EXD3: variants seen among roughly 807,000 people sequenced by gnomAD.
EXD3 encodes exonuclease mut-7 homolog.
Under a neutral mutation model 98.0 loss-of-function variants are expected in EXD3, and 92 were observed. The observed-to-expected ratio is 0.94, with a 90% CI of 0.79 to 1.12. The LOEUF is 1.12. Among genes scored for constraint, EXD3 ranks in the 50% most tolerant of loss-of-function variants. The pLI, the probability that EXD3 is intolerant of heterozygous loss-of-function variation, is 0.00. For missense variants in EXD3, 1,222 were observed against 1,191.6 expected, an observed-to-expected ratio of 1.03 and a Z score of -0.38; for synonymous variants, 569 against 526.0, an observed-to-expected ratio of 1.08 and a Z score of -1.12.
At chr9:137,383,437 C>T (rs1346470816) in intron 2 of EXD3, 60 bp from the exon 3 acceptor site, 3 of 1,334,258 alleles carry the variant, frequency 2.2e-6, no homozygotes, top group South Asian at 1.4e-5. Flanking sequence ...TATCGCACAG[C>T]CCGCCGGGAA....
intron 6 of EXD3, chr9:137,367,721 C>A (rs1398094010): frequency 3.8e-6 from 2 of 527,740 alleles, no homozygotes; most frequent in Non-Finnish European, 6.8e-6. Flanking sequence ...CAGCTGGACA[C>A]GGGGTTCGTG....
intron 3 of EXD3, among the ~76,000 whole-genome samples, chr9:137,380,811 C>T (rs959744153): frequency 1.3e-4 from 20 of 148,716 alleles, no homozygotes; most frequent in Non-Finnish European, 2.5e-4. Flanking sequence ...AAGGCCCCCC[C>T]GAGGGGCTGT....
intron 19 of EXD3, among the ~76,000 whole-genome samples, chr9:137,314,341 A>G (rs915501383): frequency 3.3e-5 from 5 of 152,160 alleles, no homozygotes; most frequent in East Asian, 1.9e-4. Context: ...GAGTTTGCCA[A>G]AAGAACCTGG....
At chr9:137,356,028 G>A (rs955967216) in intron 8 of EXD3, among the ~76,000 whole-genome samples, 8 of 152,212 alleles carry the variant, frequency 5.3e-5, no homozygotes, top group African/African-American at 1.7e-4. Flanking sequence ...CCCTCCCGGA[G>A]CCGCCTAGGT....
At position 137,405,446 on chromosome 9, in the gene EXD3, C is replaced by T. The variant is rs554897472; in HGVS notation, c.-47-10042G>A. On this transcript the variant is annotated intron_variant, in intron 1 of 21. Coordinates refer to ENST00000340951, the MANE Select transcript of EXD3 (RefSeq NM_017820.5). This position sits in a 1 kb window ranked among gnomAD's most constrained non-coding sequence, Gnocchi z 4.1. The stretch of plus-strand genomic sequence containing the variant: ...CGTGGCCCAAGGATTTGCAGAGCCG[C>T]GGACGGAGCCCAGGGCGGCCGTCGC... Among the ~76,000 whole-genome samples the T allele has an allele frequency of 5.3e-5, 8 of 152,360 alleles. No individual in the cohort carries two copies. The South Asian group carries it at 1.0e-3, about 20-fold the overall frequency.
At chr9:137,359,066 C>T (rs1834934422) in intron 7 of EXD3, among the ~76,000 whole-genome samples, 1 of 26,516 alleles carries the variant, frequency 3.8e-5, no homozygotes, top group South Asian at 4.6e-3. Context: ...CCTGCCTCAG[C>T]CTCCAGAGTA....
At chr9:137,351,181 G>A in intron 13 of EXD3, 34 bp from the exon 14 acceptor site, 1 of 1,548,812 alleles carries the variant, frequency 6.5e-7, no homozygotes, top group Middle Eastern at 1.7e-4. Context: ...AGGGGCGCCT[G>A]CAGGCAGGGA....
intron 7 of EXD3, among the ~76,000 whole-genome samples, chr9:137,362,785 G>C (rs1835053041): frequency 6.6e-6 from 1 of 152,012 alleles, no homozygotes; most frequent in Non-Finnish European, 1.5e-5. Flanking sequence ...CAGTCTGTTG[G>C]TGTCTTCTCA....
intron 19 of EXD3, among the ~76,000 whole-genome samples, chr9:137,321,893 A>G (rs1447129022): frequency 6.6e-6 from 1 of 152,074 alleles, no homozygotes; most frequent in Non-Finnish European, 1.5e-5. Context: ...TGGAGGCGCA[A>G]AAGGCAGCAT....
chr9:137,321,129 C>T (rs754056163), intron 19 of EXD3, among the ~76,000 whole-genome samples: 36 of 152,256 alleles, frequency 2.4e-4, no homozygotes, highest in Admixed American at 3.3e-4. Flanking sequence ...GCTGCAGATC[C>T]GAGCCGAGCC....
At chr9:137,373,149 G>T in intron 4 of EXD3, 77 bp from the exon 5 acceptor site, 1 of 1,471,998 alleles carries the variant, frequency 6.8e-7, no homozygotes, top group Non-Finnish European at 9.0e-7. Context: ...GGCAGGCCTG[G>T]CTTAGGAAGC....
intron 1 of EXD3, among the ~76,000 whole-genome samples, chr9:137,420,622 G>A (rs1260495762): frequency 6.6e-6 from 1 of 152,036 alleles, no homozygotes; most frequent in Non-Finnish European, 1.5e-5. Flanking sequence ...CTGGACTGGT[G>A]CCCTGTTTAC....
intron 17 of EXD3, among the ~76,000 whole-genome samples, chr9:137,333,860 C>G (rs544887323): frequency 6.6e-6 from 1 of 151,890 alleles, no homozygotes; most frequent in Admixed American, 6.6e-5. Flanking sequence ...TTTTTTGAGA[C>G]AGAGTCTCAC....
In EXD3 at chr9:137,354,049, C is replaced by T. The variant is rs144853058; in HGVS notation, c.870+290G>A. 11,971 of 1,207,122 alleles carry T rather than the reference C, an allele frequency of 9.9e-3. 80 individuals are homozygous for T. Among genetic ancestry groups the T allele is most frequent in the South Asian group, 0.03 (792 of 26,520 alleles). 74.8% of individuals were successfully genotyped at this position (1,207,122 alleles called of 1,614,324 possible). ...TCTCTGGTGACTCTCAGCCCCCACC[C>T]GGCCCCACAGGCAGCTCCGCTGGGT... is the stretch of plus-strand genomic sequence containing the variant. On this transcript the variant is annotated intron_variant, in intron 10 of 21. Transcript: ENST00000340951.
intron 5 of EXD3, among the ~76,000 whole-genome samples, chr9:137,369,767 C>T (rs1466881672): frequency 6.6e-6 from 1 of 152,218 alleles, no homozygotes; most frequent in Non-Finnish European, 1.5e-5. Context: ...GTGGCTTCTG[C>T]CTCTGTGTCC....
intron 3 of EXD3, 53 bp downstream of exon 3, chr9:137,383,242 GGCCAGTCTCTGCCCAACA>G (rs1294884305): frequency 2.3e-6 from 3 of 1,323,816 alleles, no homozygotes; most frequent in Non-Finnish European, 3.2e-6. Flanking sequence ...CCTCCTGTTA[GGCCAGTCTCTGCCCAACA>G]GTCAGTTCTG....
chr9:137,319,338 C>T (rs28592848), intron 19 of EXD3, among the ~76,000 whole-genome samples: 5,855 of 152,308 alleles, frequency 0.038, 145 homozygotes, highest in Non-Finnish European at 0.06. Flanking sequence ...TCCCGGGGCC[C>T]GGCCTCCATT....
In EXD3 at chr9:137,324,235, C is replaced by A; in HGVS notation, c.1999-92G>T. ...CTCGCCACCCCCTAGCTCCCCGGAT[C>A]GTGGCCCTGCCCCAGGCCCCTTTTG... On this transcript the variant is annotated intron_variant, in intron 17 of 21. Coordinates refer to ENST00000340951, the MANE Select transcript of EXD3 (RefSeq NM_017820.5). The surrounding 1 kb of genome is among the most constrained non-coding windows in gnomAD (Gnocchi z 4.1). 1 of 1,132,794 alleles carries A rather than the reference C, an allele frequency of 8.8e-7. No homozygotes were observed. Among genetic ancestry groups the A allele is most frequent in the South Asian group, 1.4e-5 (1 of 69,972 alleles). The allele number at this position is 1,132,794 out of a possible 1,614,324, so 70.2% of individuals were successfully genotyped here. A position where few individuals can be genotyped will look rare whatever the true frequency, so the allele number is the denominator to read the frequency against.
chr9:137,390,120 A>C (rs1456185292), intron 2 of EXD3, among the ~76,000 whole-genome samples: 3 of 33,998 alleles, frequency 8.8e-5, no homozygotes, highest in East Asian at 8.9e-4. Context: ...AGACTCTGTC[A>C]AAAAAAAAAA....
Sources: gnomAD v4.1 joint callset for allele counts (sites outside exome capture counted in the v4.1 genomes callset) on GRCh38, gnomAD v4.1.1 for gene constraint, Gnocchi (gnomAD v3.1) non-coding constraint, MANE v1.5 for transcripts, NCBI Gene and HGNC (gene_info 2026-07-23, HGNC 2026-07-21) for gene names.